Variants in GSE1 observed in about 807,000 individuals in gnomAD.
GSE1 encodes Gse1 coiled-coil protein.
A neutral mutation model predicts 112.6 loss-of-function variants in GSE1; 32 were observed. The ratio of observed to expected loss-of-function variants is 0.28; its 90% CI spans 0.21 to 0.38. GSE1 has a LOEUF of 0.38. GSE1 is among the 10% of genes least tolerant of loss of function. GSE1 has a pLI of 1.00. For missense variants in GSE1, 2,348 were observed against 1,699.2 expected (o/e 1.38, Z -6.71); for synonymous variants, 1,115 against 735.6 (o/e 1.52, Z -8.35).
rs2051916079 is a variant in GSE1, at chr16:85,656,221, C to T, written c.990-122C>T. 6.2e-5 allele frequency: 77 copies of T among 1,250,212 alleles called. 2 individuals carry two copies. Among genetic ancestry groups the T allele is most frequent in the South Asian group, 6.0e-4 (42 of 69,638 alleles). 77.4% of individuals were successfully genotyped at this position (1,250,212 alleles called of 1,614,324 possible). ...CCTGCACCAGTGAAACCCGGCTCAC[C>T]TCCCGTCACTGTTCAGATTAGCGCC... On this transcript the variant is annotated intron_variant, in intron 6 of 15. Transcript: ENST00000253458.
rs541973772 is a variant in GSE1, at chr16:85,533,986, C to T, written c.2465-99928C>T. ...TGCGTACGTCTGTGTAACCCCCACC[C>T]CATTAAGGTCTAGAATAATGCTGTC... On this transcript the variant is annotated intron_variant, in intron 2 of 2. Coordinates refer to the GSE1 transcript ENST00000637419. Among the ~76,000 whole-genome samples the T allele has an allele frequency of 2.5e-3, 374 of 152,270 alleles. 2 individuals carry two copies. The highest frequency in any genetic ancestry group is 8.6e-3 in the African/African-American group (359 of 41,544).
intron 2 of GSE1, among the ~76,000 whole-genome samples, chr16:85,437,203 T>TC (rs1464084913): frequency 6.6e-6 from 1 of 151,924 alleles, no homozygotes; most frequent in Non-Finnish European, 1.5e-5. Flanking sequence ...TGCGGACGCC[T>TC]CCGCCGCCGG....
At chr16:85,193,836 C>A (rs998140838) in intron 1 of GSE1, among the ~76,000 whole-genome samples, 5 of 152,132 alleles carry the variant, frequency 3.3e-5, no homozygotes, top group Non-Finnish European at 5.9e-5. Flanking sequence ...GCCAGTGTAC[C>A]CTTCACTGAA....
intron 15 of GSE1, 34 bp from the exon 16 acceptor site, chr16:85,672,371 G>T (rs774945541): frequency 3.9e-5 from 61 of 1,564,134 alleles, no homozygotes; most frequent in African/African-American, 5.4e-5. Context: ...CAGAGGAAAC[G>T]GGTTGGTTTT....
chr16:85,475,791 T>C (rs1360314554), intron 2 of GSE1, among the ~76,000 whole-genome samples: 1 of 148,010 alleles, frequency 6.8e-6, no homozygotes, highest in Non-Finnish European at 1.5e-5. Flanking sequence ...TTTTTTTTTT[T>C]TTTTTTTTTA....
At chr16:85,219,342 T>TA (rs1440518838) in intron 1 of GSE1, among the ~76,000 whole-genome samples, 3 of 152,210 alleles carry the variant, frequency 2.0e-5, no homozygotes, top group Admixed American at 1.3e-4. Flanking sequence ...GTGGGTTTTT[T>TA]AAAAAAATGA....
chr16:85,306,893 G>A (rs2045693961), intron 1 of GSE1, among the ~76,000 whole-genome samples: 1 of 152,252 alleles, frequency 6.6e-6, no homozygotes, highest in African/African-American at 2.4e-5. Context: ...TAAAAGGCGG[G>A]AGCATACAGG....
intron 1 of GSE1, among the ~76,000 whole-genome samples, chr16:85,235,995 C>CCTGGGG (rs1490846601): frequency 2.0e-5 from 3 of 151,998 alleles, no homozygotes; most frequent in East Asian, 1.9e-4. Context: ...TGGGCCTGGG[C>CCTGGGG]CTGGGGCTGA....
intron 15 of GSE1, among the ~76,000 whole-genome samples, chr16:85,671,563 C>G (rs1478292298): frequency 2.0e-5 from 3 of 152,134 alleles, no homozygotes; most frequent in East Asian, 1.9e-4. Flanking sequence ...GCAGTGAGCT[C>G]TGACCACACC....
upstream of GSE1, chr16:85,613,176 G>A: frequency 7.1e-7 from 1 of 1,400,216 alleles, no homozygotes. Flanking sequence ...CCGGGAGCGA[G>A]CCAGTGGCCC....
chr16:85,268,239 AAG>A (rs1908456771), intron 1 of GSE1, among the ~76,000 whole-genome samples: 1 of 151,484 alleles, frequency 6.6e-6, no homozygotes, highest in Admixed American at 6.6e-5. Flanking sequence ...GGTGTGGCAC[AAG>A]GGTTCTATAG....
At chr16:85,287,432 T>G (rs1286191771) in intron 1 of GSE1, among the ~76,000 whole-genome samples, 4 of 152,028 alleles carry the variant, frequency 2.6e-5, no homozygotes, top group South Asian at 4.1e-4. Context: ...AAGGCAGTAA[T>G]GATCCACCCA....
In GSE1 at chr16:85,360,426, G is replaced by A. The variant is rs554665522; in HGVS notation, c.2464+2783G>A. ...AACCTGCGTCTGCCAGCTGCTCCCT[G>A]TCAGGCTGCAGCCAAGTCCGGGCAG... On this transcript the variant is annotated intron_variant, in intron 2 of 2. Coordinates refer to the GSE1 transcript ENST00000637419. Among the ~76,000 whole-genome samples, 8 of 152,338 alleles carry A rather than the reference G, an allele frequency of 5.3e-5. No individual in the cohort carries two copies. The East Asian group carries it at 1.4e-3, about 26-fold the overall frequency.
chr16:85,194,625 C>T (rs1302632415), intron 1 of GSE1, among the ~76,000 whole-genome samples: 1 of 152,128 alleles, frequency 6.6e-6, no homozygotes, highest in Admixed American at 6.5e-5. Flanking sequence ...TTTTTTCCCC[C>T]TTGCTCAAAT....
intron 1 of GSE1, among the ~76,000 whole-genome samples, chr16:85,261,364 C>G (rs1427030818): frequency 6.6e-6 from 1 of 152,246 alleles, no homozygotes; most frequent in African/African-American, 2.4e-5. Flanking sequence ...GTACAGTGAG[C>G]AGTTGCTGAC....
intron 1 of GSE1, among the ~76,000 whole-genome samples, chr16:85,183,679 T>C (rs2074641929): frequency 6.6e-6 from 1 of 152,208 alleles, no homozygotes. Flanking sequence ...GGCTTGGCTG[T>C]AAAGCTGGGA....
intron 1 of GSE1, among the ~76,000 whole-genome samples, chr16:85,215,328 C>T (rs2075290085): frequency 6.6e-6 from 1 of 152,140 alleles, no homozygotes; most frequent in Non-Finnish European, 1.5e-5. Context: ...CATACGTTCT[C>T]ACTTGTAGGT....
chr16:85,641,808 C>T (rs1308561793), intron 2 of GSE1, among the ~76,000 whole-genome samples: 1 of 152,268 alleles, frequency 6.6e-6, no homozygotes, highest in South Asian at 2.1e-4. Context: ...TGTCCCACTT[C>T]CCTACTCACT....
At chr16:85,243,270 C>T (rs142423425) in intron 1 of GSE1, among the ~76,000 whole-genome samples, 1 of 152,372 alleles carries the variant, frequency 6.6e-6, no homozygotes, top group Non-Finnish European at 1.5e-5. Context: ...ATCATTCTTG[C>T]TGGGCCGAGC....
Sources: allele counts gnomAD v4.1 joint callset (sites outside exome capture counted in the v4.1 genomes callset), GRCh38; gene constraint gnomAD v4.1.1; transcripts MANE v1.5; gene names NCBI Gene and HGNC (gene_info 2026-07-23, HGNC 2026-07-21).